The following ESR1 variants were observed in gnomAD, a reference collection of about 807,000 sequenced individuals.
ESR1 encodes the protein estrogen receptor 1.
Under a neutral mutation model 52.7 loss-of-function variants are expected in ESR1, and 12 were observed. The ratio of observed to expected loss-of-function variants is 0.23; its 90% CI spans 0.15 to 0.37. ESR1 has a LOEUF of 0.37. Ranked by LOEUF, ESR1 falls within the 10% of genes least tolerant of loss-of-function variation. The pLI, the probability that ESR1 is intolerant of heterozygous loss-of-function variation, is 1.00. For synonymous variants in ESR1, 305 were observed against 316.8 expected, an observed-to-expected ratio of 0.96 and a Z score of 0.39; for missense variants, 584 against 779.7, an observed-to-expected ratio of 0.75 and a Z score of 2.99.
chr6:151,826,233 T>C (rs1781477696), intron 1 of ESR1, among the ~76,000 whole-genome samples: 1 of 152,220 alleles, frequency 6.6e-6, no homozygotes, highest in Admixed American at 6.5e-5. Context: ...AAATACCACC[T>C]ATAAGGGCAA....
intron 2 of ESR1, among the ~76,000 whole-genome samples, chr6:151,769,934 A>G (rs574339100): frequency 6.6e-6 from 1 of 152,132 alleles, no homozygotes; most frequent in East Asian, 1.9e-4. Context: ...AAACTGAGGC[A>G]GGAGAATCGC....
intron 2 of ESR1, among the ~76,000 whole-genome samples, chr6:151,779,016 A>G (rs1386407233): frequency 6.6e-6 from 1 of 152,030 alleles, no homozygotes; most frequent in East Asian, 1.9e-4. Context: ...TGGATGGATT[A>G]CAAAATTTTT....
rs571704456 is a variant in ESR1, at chr6:152,096,915, G to A, written c.1554-1817G>A. ...TGTAGATTCAATGCATTGCAGTTGGGTGTTTTTATTTGTTGAAAGGAATTG... is the reference window on the plus strand; with the variant it reads ...TGTAGATTCAATGCATTGCAGTTGGATGTTTTTATTTGTTGAAAGGAATTG... On this transcript the variant is annotated intron_variant, in intron 7 of 7. Coordinates refer to ENST00000206249, the MANE Select transcript of ESR1 (RefSeq NM_000125.4). Among the ~76,000 whole-genome samples the A allele has an allele frequency of 6.6e-5, 10 of 152,278 alleles. No individual in the cohort carries two copies. In the South Asian group the frequency reaches 2.1e-3, roughly 32 times the overall value.
intron 2 of ESR1, among the ~76,000 whole-genome samples, chr6:151,782,991 C>T (rs1786693668): frequency 6.6e-6 from 1 of 152,182 alleles, no homozygotes; most frequent in South Asian, 2.1e-4. Context: ...ATACCATCAC[C>T]TTAATGTTTG....
chr6:151,893,597 C>A (rs544466042), intron 3 of ESR1, among the ~76,000 whole-genome samples: 4 of 150,880 alleles, frequency 2.7e-5, no homozygotes, highest in Non-Finnish European at 4.4e-5. Context: ...ACTAATATAC[C>A]CCAAATAGTA....
At chr6:151,730,331 G>A (rs1042349104) in intron 2 of ESR1, among the ~76,000 whole-genome samples, 22 of 151,894 alleles carry the variant, frequency 1.4e-4, no homozygotes, top group Non-Finnish European at 2.2e-4. Flanking sequence ...CTCTTGAGGG[G>A]AACTCCCTGC....
intron 1 of ESR1, among the ~76,000 whole-genome samples, chr6:151,837,833 A>ACT (rs1186207106): frequency 1.3e-5 from 2 of 152,154 alleles, no homozygotes; most frequent in Non-Finnish European, 2.9e-5. Context: ...ACAAGGAAGG[A>ACT]GGTATCTTAG....
chr6:151,807,500 G>A (rs1385949737), upstream of ESR1: 4 of 294,696 alleles, frequency 1.4e-5, no homozygotes, highest in African/African-American at 2.2e-5. Flanking sequence ...CAGCAGCGAC[G>A]ACAAGTAAAG....
At position 151,707,720 on chromosome 6, in the gene ESR1, T is replaced by A. The variant is rs181407129; in HGVS notation, c.-71+5715T>A. The stretch of plus-strand genomic sequence containing the variant: ...CCTTAAGGAGTATTGCCAGATATAT[T>A]TTTTTTTACTTCCTTTTAAAACATG... On this transcript the variant is annotated intron_variant, in intron 2 of 2. Coordinates refer to the ESR1 transcript ENST00000404742. 1.3e-3 allele frequency among the ~76,000 whole-genome samples: 190 copies of A among 151,688 alleles called. 4 individuals carry two copies. In the Middle Eastern group the frequency reaches 0.058, roughly 46 times the overall value.
At position 151,784,674 on chromosome 6, in the gene ESR1, A is replaced by G. The variant is rs534797495; in HGVS notation, c.-70-23169A>G. Among the ~76,000 whole-genome samples, 3 of 152,354 alleles carry G rather than the reference A, an allele frequency of 2.0e-5. No homozygotes were observed. In the South Asian group the frequency reaches 6.2e-4, roughly 32 times the overall value. On this transcript the variant is annotated intron_variant, in intron 2 of 2. Transcript: ENST00000404742. ...GCATTGCAACCAGTGTTACAGTTAC[A>G]GAAGTGACTAGTGTAACTTCCCCTC... is the stretch of plus-strand genomic sequence containing the variant.
chr6:151,859,921 G>C (rs1788571311), intron 2 of ESR1, among the ~76,000 whole-genome samples: 1 of 152,136 alleles, frequency 6.6e-6, no homozygotes, highest in African/African-American at 2.4e-5. Flanking sequence ...TTCCTACCTT[G>C]CTGGATAGAT....
rs1173046857 is a variant in ESR1, at chr6:151,879,654, G to A, written c.644-1001G>A. Among the ~76,000 whole-genome samples the A allele has an allele frequency of 3.3e-5, 5 of 152,212 alleles. No homozygotes were observed. The East Asian group carries it at 5.8e-4, about 18-fold the overall frequency. ...CATCTTTTGAGTGTTTTCTATATCC[G>A]GGGAACTATGGTAAACTCCTAACCT... On this transcript the variant is annotated intron_variant, in intron 2 of 7. Transcript: ENST00000206249.
intron 3 of ESR1, among the ~76,000 whole-genome samples, chr6:151,924,206 C>G (rs574305426): frequency 6.6e-6 from 1 of 152,170 alleles, no homozygotes; most frequent in East Asian, 1.9e-4. Context: ...CCATACCCGG[C>G]TAATTGTTGT....
chr6:151,763,838 A>G (rs2504070), intron 2 of ESR1, among the ~76,000 whole-genome samples: 100,341 of 152,016 alleles, frequency 0.66, 33,534 homozygotes, highest in East Asian at 0.93. Context: ...GAAACTTGGG[A>G]ACTGGACAGA....
intron 2 of ESR1, among the ~76,000 whole-genome samples, chr6:151,872,589 T>C (rs907122512): frequency 6.6e-6 from 1 of 152,246 alleles, no homozygotes; most frequent in Non-Finnish European, 1.5e-5. Flanking sequence ...TTTTGAATTC[T>C]TCTTTCTATA....
intron 2 of ESR1, among the ~76,000 whole-genome samples, chr6:151,755,714 T>A (rs1160899040): frequency 1.3e-5 from 2 of 152,084 alleles, no homozygotes; most frequent in East Asian, 3.9e-4. Flanking sequence ...CACTGCAACT[T>A]CCGCCTCCCA....
chr6:151,797,103 A>G (rs1313088280), intron 2 of ESR1, among the ~76,000 whole-genome samples: 1 of 152,270 alleles, frequency 6.6e-6, no homozygotes, highest in African/African-American at 2.4e-5. Context: ...AGAGCATGTC[A>G]CTGGGGTTAC....
At chr6:151,742,941 T>C (rs1188022064) in intron 2 of ESR1, among the ~76,000 whole-genome samples, 1 of 152,198 alleles carries the variant, frequency 6.6e-6, no homozygotes, top group Non-Finnish European at 1.5e-5. Context: ...AAGACGAAAA[T>C]TGAATGGTGC....
intron 1 of ESR1, among the ~76,000 whole-genome samples, chr6:151,820,407 G>A (rs1361185640): frequency 6.6e-6 from 1 of 152,160 alleles, no homozygotes; most frequent in African/African-American, 2.4e-5. Flanking sequence ...GTGCCTTGCC[G>A]AAAACCTTAA....
Sources: gnomAD v4.1 joint callset for allele counts (sites outside exome capture counted in the v4.1 genomes callset) on GRCh38, gnomAD v4.1.1 for gene constraint, MANE v1.5 for transcripts, NCBI Gene and HGNC (gene_info 2026-07-23, HGNC 2026-07-21) for gene names.